Variants in CAPN5 observed in about 807,000 individuals in gnomAD.
The protein encoded by CAPN5 is calpain-5.
In CAPN5, 54 loss-of-function variants were observed where a neutral mutation model predicts 73.0. That is an observed-to-expected ratio of 0.74 (90% CI 0.59 to 0.93). CAPN5 has a LOEUF of 0.93. Ranked by LOEUF, CAPN5 falls within the 40% of genes least tolerant of loss-of-function variation. CAPN5 has a pLI of 0.00. For synonymous variants in CAPN5, 335 were observed against 356.9 expected (o/e 0.94, Z 0.69); for missense variants, 785 against 882.9 (o/e 0.89, Z 1.41).
chr11:77,115,827 G>A (rs568359077), intron 6 of CAPN5, among the ~76,000 whole-genome samples: 24 of 152,232 alleles, frequency 1.6e-4, no homozygotes, highest in African/African-American at 3.6e-4. Flanking sequence ...GAGTGGGTGC[G>A]GGAGGGGAGC....
In CAPN5 at chr11:77,125,726, C is replaced by T. The variant is rs1465560847; in HGVS notation, c.*1856C>T. ...GAAGTGAGCCAGCTTGCACCTCAGG[C>T]TAACACATAGGACTTTGCTCAGCCA... On this transcript the variant is annotated 3_prime_UTR_variant, in exon 13 of 13. Transcript: ENST00000648180. 1 of 152,304 alleles carries T rather than the reference C, an allele frequency of 6.6e-6. No homozygotes were observed. The highest frequency in any genetic ancestry group is 1.5e-5 in the Non-Finnish European group (1 of 67,976). 9.4% of individuals were successfully genotyped at this position (152,304 alleles called of 1,614,324 possible). A position where few individuals can be genotyped will look rare whatever the true frequency, so the allele number is the denominator to read the frequency against.
intron 3 of CAPN5, 108 bp downstream of exon 3, chr11:77,093,921 G>A: frequency 6.8e-7 from 1 of 1,471,104 alleles, no homozygotes; most frequent in Non-Finnish European, 9.1e-7. Context: ...ACTTTCAAAA[G>A]CCTGTGCCAG....
chr11:77,114,216 G>A, intron 4 of CAPN5, 26 bp from the exon 5 acceptor site: 1 of 1,608,612 alleles, frequency 6.2e-7, no homozygotes. Flanking sequence ...GCATGAGCTG[G>A]GAAGTCTTTC....
At chr11:77,109,091 T>C (rs193261538) in intron 3 of CAPN5, among the ~76,000 whole-genome samples, 31 of 152,328 alleles carry the variant, frequency 2.0e-4, no homozygotes, top group Admixed American at 1.8e-3. Context: ...AACAATTTTT[T>C]TCTTTCTTTG....
chr11:77,112,059 T>G (rs1225130586), intron 3 of CAPN5, among the ~76,000 whole-genome samples: 1 of 152,094 alleles, frequency 6.6e-6, no homozygotes, highest in African/African-American at 2.4e-5. Flanking sequence ...AGAGTAGATG[T>G]AGCTGCAGAC....
At chr11:77,118,828 C>T (rs949807972) in intron 8 of CAPN5, among the ~76,000 whole-genome samples, 1 of 152,204 alleles carries the variant, frequency 6.6e-6, no homozygotes, top group Non-Finnish European at 1.5e-5. Flanking sequence ...AGAGTGGCCA[C>T]CCTGGCATTG....
chr11:77,112,173 A>G (rs1555040824), intron 3 of CAPN5, among the ~76,000 whole-genome samples: 1 of 152,032 alleles, frequency 6.6e-6, no homozygotes, highest in African/African-American at 2.4e-5. Flanking sequence ...AGGCGCTCAG[A>G]TTGGGCTGAC....
Position 77,120,789 on chromosome 11 carries a change from G to A in CAPN5, c.1367G>A (p.Ser456Asn). Reference protein sequence around the residue: ...AASSIYINSRSVFLRTDQPEG... With the variant: ...AASSIYINSRNVFLRTDQPEG... ...AGCTCCATCTACATCAACTCACGCAGCGTCTTCCTGCGCACCGACCAGCCC... is the reference window on the plus strand; with the variant it reads ...AGCTCCATCTACATCAACTCACGCAACGTCTTCCTGCGCACCGACCAGCCC... Residue 456 changes from serine to asparagine, a missense_variant, in exon 10 of 13, where the codon AGC becomes AAC. Transcript: ENST00000648180. 1 of 1,614,104 alleles carries A rather than the reference G, an allele frequency of 6.2e-7. No homozygotes were observed. The highest frequency in any genetic ancestry group is 2.2e-5 in the East Asian group (1 of 44,884).
At chr11:77,086,735 C>G (rs1378340558) in intron 2 of CAPN5, among the ~76,000 whole-genome samples, 1 of 152,242 alleles carries the variant, frequency 6.6e-6, no homozygotes, top group African/African-American at 2.4e-5. Context: ...TGGCTACCCC[C>G]GTCCTGACTC....
intron 11 of CAPN5, 116 bp from the exon 12 acceptor site, chr11:77,122,460 C>T: frequency 1.1e-6 from 1 of 901,512 alleles, no homozygotes; most frequent in South Asian, 1.6e-5. Context: ...GTGGGTCAGG[C>T]TCCAGTCTCT....
chr11:77,101,529 G>A (rs1168249389), intron 3 of CAPN5, among the ~76,000 whole-genome samples: 1 of 152,192 alleles, frequency 6.6e-6, no homozygotes, highest in Non-Finnish European at 1.5e-5. Flanking sequence ...CCCAGGGCTT[G>A]CAGTGTGGTT....
rs141204411 is a variant in CAPN5 at position 77,118,257 on chromosome 11, C to T, written c.1072C>T (p.Arg358Trp). The T allele has an allele frequency of 2.8e-5, 45 of 1,614,096 alleles. No homozygotes were observed. The highest frequency in any genetic ancestry group is 6.6e-5 in the South Asian group (6 of 91,076). ...CATCCACAAGACGTGGGAGGAGGCC[C>T]GGCTGCATGGCGCCTGGACGCTGCA... The part of the protein sequence containing the change: ...LSIHKTWEEA[R>W]LHGAWTLHED... The change falls in exon 8 of 13, where the codon CGG becomes TGG. Residue 358 changes from arginine (R) to tryptophan (W), a missense_variant. Coordinates refer to ENST00000648180, the MANE Select transcript of CAPN5 (RefSeq NM_004055.5).
intron 5 of CAPN5, among the ~76,000 whole-genome samples, 159 bp downstream of exon 5, chr11:77,114,593 C>A (rs939922712): frequency 6.6e-6 from 1 of 152,214 alleles, no homozygotes; most frequent in Non-Finnish European, 1.5e-5. Context: ...ACCCCCTGCC[C>A]AGACCCTCTA....
chr11:77,088,811 T>TG (rs1361688552), intron 2 of CAPN5, among the ~76,000 whole-genome samples: 1 of 152,074 alleles, frequency 6.6e-6, no homozygotes, highest in Non-Finnish European at 1.5e-5. Flanking sequence ...CTGAATTTCT[T>TG]GTTGTGCCAC....
At chr11:77,078,063 A>T (rs115586785) in intron 1 of CAPN5, among the ~76,000 whole-genome samples, 1 of 151,936 alleles carries the variant, frequency 6.6e-6, no homozygotes, top group Admixed American at 6.6e-5. Context: ...AAACTTTTTT[A>T]GCTTTATGTA....
At chr11:77,100,489 G>A (rs367944874) in intron 3 of CAPN5, among the ~76,000 whole-genome samples, 2 of 152,178 alleles carry the variant, frequency 1.3e-5, no homozygotes, top group South Asian at 4.1e-4. Context: ...CCAGAAGGTC[G>A]GTGCCCCTCT....
At chr11:77,118,452 T>C in intron 8 of CAPN5, 100 bp downstream of exon 8, 2 of 1,047,850 alleles carry the variant, frequency 1.9e-6, no homozygotes, top group Non-Finnish European at 2.7e-6. Context: ...GTAATCCCTG[T>C]CCTTCCTTGG....
At chr11:77,117,026 C>T (rs2135481972) in intron 7 of CAPN5, among the ~76,000 whole-genome samples, 1 of 152,140 alleles carries the variant, frequency 6.6e-6, no homozygotes, top group Non-Finnish European at 1.5e-5. Flanking sequence ...TTGCTTGAGT[C>T]CAGGAGTTTG....
intron 2 of CAPN5, among the ~76,000 whole-genome samples, chr11:77,085,698 A>G (rs1950078375): frequency 1.4e-5 from 2 of 148,102 alleles, no homozygotes; most frequent in Non-Finnish European, 3.0e-5. Flanking sequence ...TTACACAGAA[A>G]TGTTTGGCCT....
Sources: gnomAD v4.1 joint callset for allele counts (sites outside exome capture counted in the v4.1 genomes callset) on GRCh38, gnomAD v4.1.1 for gene constraint, MANE v1.5 for transcripts, NCBI Gene and HGNC (gene_info 2026-07-23, HGNC 2026-07-21) for gene names.